Variants in FETUB observed in about 807,000 individuals in gnomAD.
The protein encoded by FETUB is fetuin-B.
A neutral mutation model predicts 30.9 loss-of-function variants in FETUB; 28 were observed. That is an observed-to-expected ratio of 0.90 (90% CI 0.67 to 1.24). FETUB has a LOEUF of 1.24. FETUB is among the 50% of genes most tolerant of loss of function. FETUB has a pLI of 0.00. For missense variants in FETUB, 469 were observed against 455.3 expected (o/e 1.03, Z -0.27); for synonymous variants, 186 against 175.9 (o/e 1.06, Z -0.45).
chr3:186,651,138 A>G (rs1717996933), intron 5 of FETUB, 80 bp from the exon 6 acceptor site: 1 of 903,514 alleles, frequency 1.1e-6, no homozygotes, highest in Non-Finnish European at 1.8e-6. Flanking sequence ...TTGGCTGTGT[A>G]TCTACACAAG....
intron 2 of FETUB, 131 bp from the exon 3 acceptor site, chr3:186,642,340 A>G: frequency 1.6e-6 from 1 of 630,276 alleles, no homozygotes; most frequent in Non-Finnish European, 2.8e-6. Context: ...AGTTCCTCCC[A>G]GCCAAAACCA....
intron 4 of FETUB, 48 bp downstream of exon 4, chr3:186,644,968 G>A: frequency 1.4e-6 from 2 of 1,449,240 alleles, no homozygotes; most frequent in Non-Finnish European, 1.9e-6. Context: ...TCTCATAACT[G>A]TTGCTGTAGG....
chr3:186,640,690 G>A lies in FETUB; in HGVS notation c.225+5G>A, dbSNP rs748850958. ...GACGCCCAGGAATACAGACGGGCAA[G>A]TAGGGACAGTTCCCACTCTGGGGCA... On this transcript the variant is annotated splice_donor_5th_base_variant and intron_variant, in intron 1 of 6. Coordinates refer to ENST00000265029, the MANE Select transcript of FETUB (RefSeq NM_014375.3). 1.1e-5 allele frequency: 18 copies of A among 1,610,438 alleles called. No homozygotes were observed. Among genetic ancestry groups the A allele is most frequent in the Non-Finnish European group, 1.5e-5 (18 of 1,176,652 alleles).
chr3:186,637,733 A>G (rs546950260), upstream of FETUB, among the ~76,000 whole-genome samples: 3 of 152,390 alleles, frequency 2.0e-5, no homozygotes, highest in African/African-American at 7.2e-5. Flanking sequence ...TGAGGACCAC[A>G]GGGTACAGTC....
chr3:186,636,303 A>C (rs576794946), upstream of FETUB: 7 of 152,350 alleles, frequency 4.6e-5, no homozygotes, highest in African/African-American at 1.7e-4. Context: ...TGAGGTACTA[A>C]GGGCAAACTG....
intron 1 of FETUB, 126 bp downstream of exon 1, chr3:186,640,811 C>G (rs1716985868): frequency 1.3e-6 from 1 of 796,322 alleles, no homozygotes; most frequent in Non-Finnish European, 2.1e-6. Context: ...CGAGAACTCT[C>G]TGTTCTCCTC....
chr3:186,652,069 A>G (rs1718088010), intron 6 of FETUB, among the ~76,000 whole-genome samples, 194 bp from the exon 7 acceptor site: 1 of 152,122 alleles, frequency 6.6e-6, no homozygotes, highest in Non-Finnish European at 1.5e-5. Context: ...TCTCACAGTC[A>G]AGCTTCTACA....
At chr3:186,649,416 G>C (rs1429325749) in intron 5 of FETUB, among the ~76,000 whole-genome samples, 1 of 152,032 alleles carries the variant, frequency 6.6e-6, no homozygotes, top group Non-Finnish European at 1.5e-5. Context: ...TGGGCTTTTA[G>C]TGTATCCATC....
intron 3 of FETUB, among the ~76,000 whole-genome samples, chr3:186,643,306 G>A (rs1717222931): frequency 6.6e-6 from 1 of 152,198 alleles, no homozygotes; most frequent in African/African-American, 2.4e-5. Flanking sequence ...AATGACACTT[G>A]AAATATGCAC....
chr3:186,641,189 A>G, intron 2 of FETUB, 49 bp downstream of exon 2: 1 of 1,105,502 alleles, frequency 9.0e-7, no homozygotes, highest in Non-Finnish European at 1.4e-6. Context: ...GAAAGCAAGT[A>G]GGTACACTCT....
chr3:186,643,529 T>G (rs1354378683), intron 3 of FETUB, among the ~76,000 whole-genome samples: 1 of 152,214 alleles, frequency 6.6e-6, no homozygotes, highest in Non-Finnish European at 1.5e-5. Flanking sequence ...ATAAGAATGC[T>G]GCTGGTTGCT....
chr3:186,638,142 C>A (rs1347973480), upstream of FETUB, among the ~76,000 whole-genome samples: 3 of 152,020 alleles, frequency 2.0e-5, no homozygotes, highest in Non-Finnish European at 2.9e-5. Context: ...ATGCAGATAC[C>A]AGAAATTTTA....
Position 186,641,041 on chromosome 3 carries a change from A to G in FETUB, c.237A>G (p.Gly79=). ...DAQEYRRGGL[G]SLFYLTLDVL... is the part of the protein sequence containing the mutation. ...ACCCCTTCCCACAGGGTGGCCTGGG[A>G]TCTCTGTTCTATCTTACACTGGATG... The change falls in exon 2 of 7, where the codon GGA becomes GGG. Residue 79 remains glycine (G), a synonymous_variant. Transcript: ENST00000265029. 1 of 1,612,518 alleles carries G rather than the reference A, an allele frequency of 6.2e-7. No homozygotes were observed. Among genetic ancestry groups the G allele is most frequent in the Non-Finnish European group, 8.5e-7 (1 of 1,178,682 alleles).
Position 186,651,238 on chromosome 3 carries a change from T to C in FETUB, c.717T>C (p.Gly239=). Residue 239 remains glycine, a synonymous_variant, in exon 6 of 7, where the codon GGT becomes GGC. Coordinates refer to ENST00000265029, the MANE Select transcript of FETUB (RefSeq NM_014375.3). The part of the protein sequence containing the change: ...SDSVPVGLCK[G]SLTRTHWEKF... ...TTTAGCCTGTTGGTCTTTGCAAAGG[T>C]TCTCTGACTCGAACACACTGGGAAA... 1 of 1,613,234 alleles carries C rather than the reference T, an allele frequency of 6.2e-7. No homozygotes were observed. The highest frequency in any genetic ancestry group is 8.5e-7 in the Non-Finnish European group (1 of 1,179,196).
intron 5 of FETUB, among the ~76,000 whole-genome samples, chr3:186,646,657 G>A (rs1579046189): frequency 6.6e-6 from 1 of 152,220 alleles, no homozygotes; most frequent in South Asian, 2.1e-4. Context: ...TCCATTCCTT[G>A]GACCACTCTT....
In FETUB at chr3:186,640,713, G is replaced by A. The variant is rs764141996; in HGVS notation, c.225+28G>A. 8 of 1,583,494 alleles carry A rather than the reference G, an allele frequency of 5.1e-6. No individual in the cohort carries two copies. In the African/African-American group the frequency reaches 9.4e-5, roughly 19 times the overall value. ...AAGTAGGGACAGTTCCCACTCTGGG[G>A]CAGGGATGTGGGCAAGCTGGAGAGA... On this transcript the variant is annotated intron_variant, in intron 1 of 6. Coordinates refer to ENST00000265029, the MANE Select transcript of FETUB (RefSeq NM_014375.3).
At chr3:186,648,438 T>A (rs1268910435) in intron 5 of FETUB, among the ~76,000 whole-genome samples, 1 of 152,258 alleles carries the variant, frequency 6.6e-6, no homozygotes, top group Non-Finnish European at 1.5e-5. Flanking sequence ...TCCTCCTATT[T>A]TGTTCTTCTT....
At chr3:186,646,431 G>T in intron 5 of FETUB, 82 bp downstream of exon 5, 2 of 1,027,238 alleles carry the variant, frequency 1.9e-6, no homozygotes, top group Non-Finnish European at 1.5e-6. Context: ...TACATATGAG[G>T]TGTCATAAGG....
chr3:186,639,854 A>T (rs1294489581), upstream of FETUB, among the ~76,000 whole-genome samples: 2 of 152,194 alleles, frequency 1.3e-5, no homozygotes, highest in African/African-American at 4.8e-5. Flanking sequence ...TTTCCCCTTA[A>T]GTAAAGTCAT....
Sources: gnomAD v4.1 joint callset for allele counts (sites outside exome capture counted in the v4.1 genomes callset) on GRCh38, gnomAD v4.1.1 for gene constraint, MANE v1.5 for transcripts, NCBI Gene and HGNC (gene_info 2026-07-23, HGNC 2026-07-21) for gene names.